PLCB1: variants seen among roughly 807,000 people sequenced by gnomAD.
PLCB1 encodes the protein 1-phosphatidylinositol 4,5-bisphosphate phosphodiesterase beta-1.
PLCB1 carries 46 observed loss-of-function variants against 161.8 expected under a neutral mutation model. That is an observed-to-expected ratio of 0.28 (90% CI 0.22 to 0.36). The LOEUF (loss-of-function observed/expected upper bound fraction) is 0.36, where lower values mean the gene tolerates loss of function less well. Among genes scored for constraint, PLCB1 ranks in the 10% least tolerant of loss-of-function variants. PLCB1 has a pLI of 1.00. For missense variants in PLCB1, 1,016 were observed against 1,472.5 expected (o/e 0.69, Z 5.07); for synonymous variants, 517 against 503.7 (o/e 1.03, Z -0.35).
intron 1 of PLCB1, among the ~76,000 whole-genome samples, 169 bp from the exon 2 acceptor site, chr20:8,150,125 A>G (rs931249419): frequency 1.3e-5 from 2 of 152,124 alleles, no homozygotes; most frequent in Non-Finnish European, 2.9e-5. Context: ...CAGTTACATA[A>G]TGGATAATTC....
At chr20:8,711,109 A>C (rs1284557631) in intron 12 of PLCB1, among the ~76,000 whole-genome samples, 1 of 152,230 alleles carries the variant, frequency 6.6e-6, no homozygotes, top group Admixed American at 6.5e-5. Flanking sequence ...AGTCCTAAAG[A>C]GGATGAATAA....
chr20:8,239,274 G>T (rs148389467), intron 2 of PLCB1, among the ~76,000 whole-genome samples: 26 of 152,096 alleles, frequency 1.7e-4, no homozygotes, highest in Non-Finnish European at 3.5e-4. Flanking sequence ...TGATGGATAA[G>T]AAGAGACCCA....
chr20:8,797,536 C>A (rs1600335968), intron 31 of PLCB1, among the ~76,000 whole-genome samples: 2 of 152,142 alleles, frequency 1.3e-5, no homozygotes, highest in Non-Finnish European at 2.9e-5. Flanking sequence ...TTTTCCTACA[C>A]TTTTTGCAAT....
chr20:8,589,165 C>T (rs1477982669), intron 3 of PLCB1, among the ~76,000 whole-genome samples: 1 of 151,624 alleles, frequency 6.6e-6, no homozygotes, highest in Non-Finnish European at 1.5e-5. Flanking sequence ...CTCATTTTAT[C>T]AGGGTAGACA....
intron 2 of PLCB1, chr20:8,305,837 C>T (rs1234373845): frequency 6.6e-6 from 1 of 152,196 alleles, no homozygotes; most frequent in Non-Finnish European, 1.5e-5. Flanking sequence ...TACTGAAACA[C>T]TCATTTCTGT....
At chr20:8,242,205 T>G (rs1980651122) in intron 2 of PLCB1, among the ~76,000 whole-genome samples, 1 of 151,932 alleles carries the variant, frequency 6.6e-6, no homozygotes, top group Non-Finnish European at 1.5e-5. Flanking sequence ...ATGGCTTATT[T>G]GCTCTACCCA....
chr20:8,209,426 T>C (rs6118116), intron 2 of PLCB1, among the ~76,000 whole-genome samples: 3,879 of 152,254 alleles, frequency 0.025, 185 homozygotes, highest in African/African-American at 0.088. Flanking sequence ...CTTCAAACAA[T>C]TGGTATTGTA....
At chr20:8,225,938 A>G (rs945872361) in intron 2 of PLCB1, among the ~76,000 whole-genome samples, 2 of 152,210 alleles carry the variant, frequency 1.3e-5, no homozygotes, top group African/African-American at 4.8e-5. Flanking sequence ...TTTCACGTTT[A>G]AAACTTTTTC....
chr20:8,733,892 C>T (rs1980428104), intron 19 of PLCB1, among the ~76,000 whole-genome samples: 1 of 149,156 alleles, frequency 6.7e-6, no homozygotes. Context: ...GAGGCCGAGG[C>T]AGGTGGATCA....
intron 3 of PLCB1, among the ~76,000 whole-genome samples, chr20:8,444,357 G>T (rs1980714078): frequency 1.3e-5 from 2 of 152,258 alleles, no homozygotes; most frequent in Middle Eastern, 3.4e-3. Context: ...CTTCATCCAT[G>T]TCCCTACAAA....
chr20:8,673,644 G>A (rs1284152558), intron 9 of PLCB1, among the ~76,000 whole-genome samples: 1 of 152,066 alleles, frequency 6.6e-6, no homozygotes, highest in Non-Finnish European at 1.5e-5. Context: ...CCTTTGTAGT[G>A]TCATTTACGG....
chr20:8,236,119 G>A (rs74967461), intron 2 of PLCB1, among the ~76,000 whole-genome samples: 8 of 152,048 alleles, frequency 5.3e-5, no homozygotes, highest in South Asian at 4.1e-4. Flanking sequence ...AAAATGCTGA[G>A]GGAATTATGC....
At chr20:8,215,978 T>C (rs1273898943) in intron 2 of PLCB1, among the ~76,000 whole-genome samples, 1 of 152,076 alleles carries the variant, frequency 6.6e-6, no homozygotes, top group Admixed American at 6.6e-5. Context: ...CATTCAGTAA[T>C]TCAGTTTTGC....
chr20:8,788,095 G>A (rs1983576413), intron 27 of PLCB1, among the ~76,000 whole-genome samples: 2 of 152,194 alleles, frequency 1.3e-5, no homozygotes, highest in South Asian at 2.1e-4. Flanking sequence ...AAAATGTAGG[G>A]TCTTGCCCCA....
At chr20:8,692,195 C>A (rs1990495067) in intron 10 of PLCB1, among the ~76,000 whole-genome samples, 3 of 152,072 alleles carry the variant, frequency 2.0e-5, no homozygotes, top group Admixed American at 2.0e-4. Flanking sequence ...AATTATTCAA[C>A]TCCTCTCCTC....
intron 2 of PLCB1, among the ~76,000 whole-genome samples, chr20:8,193,239 A>G (rs147163475): frequency 6.6e-6 from 1 of 152,096 alleles, no homozygotes; most frequent in Non-Finnish European, 1.5e-5. Context: ...AATTACAAAT[A>G]TGCCCTTTGC....
At chr20:8,303,046 G>A (rs556031262) in intron 2 of PLCB1, among the ~76,000 whole-genome samples, 58 of 152,310 alleles carry the variant, frequency 3.8e-4, no homozygotes, top group Admixed American at 6.5e-4. Context: ...CCAGAGATTG[G>A]AAATATCTAT....
chr20:8,419,422 A>ATT (rs146192558), intron 3 of PLCB1, among the ~76,000 whole-genome samples: 1 of 152,046 alleles, frequency 6.6e-6, no homozygotes, highest in Admixed American at 6.6e-5. Flanking sequence ...TTGTGTTATG[A>ATT]TTTTTTTTAA....
At chr20:8,468,858 GAGACCTGA>G (rs1981930082) in intron 3 of PLCB1, among the ~76,000 whole-genome samples, 1 of 152,126 alleles carries the variant, frequency 6.6e-6, no homozygotes, top group African/African-American at 2.4e-5. Context: ...CTGAGATGCA[GAGACCTGA>G]AGTAACTTAC....
Sources: gnomAD v4.1 joint callset for allele counts (sites outside exome capture counted in the v4.1 genomes callset) on GRCh38, gnomAD v4.1.1 for gene constraint, MANE v1.5 for transcripts, NCBI Gene and HGNC (gene_info 2026-07-23, HGNC 2026-07-21) for gene names.